The following HDAC9 variants were observed in gnomAD, a reference collection of about 807,000 sequenced individuals.
HDAC9 encodes MEF-2 interacting transcription repressor (MITR) protein.
HDAC9 carries 41 observed loss-of-function variants against 139.4 expected under a neutral mutation model. That is an observed-to-expected ratio of 0.29 (90% CI 0.23 to 0.38). HDAC9 has a LOEUF of 0.38. Among genes scored for constraint, HDAC9 ranks in the 10% least tolerant of loss-of-function variants. The probability of loss-of-function intolerance (pLI) is 1.00; values close to 1 mark genes in which losing one functional copy is unlikely to be tolerated. For synonymous variants in HDAC9, 517 were observed against 476.2 expected, an observed-to-expected ratio of 1.09 and a Z score of -1.12; for missense variants, 1,147 against 1,297.0, an observed-to-expected ratio of 0.88 and a Z score of 1.78.
intron 22 of HDAC9, among the ~76,000 whole-genome samples, chr7:18,906,558 G>A (rs1407623705): frequency 6.6e-6 from 1 of 152,210 alleles, no homozygotes; most frequent in Non-Finnish European, 1.5e-5. Flanking sequence ...ACAAATGCAT[G>A]AAATAGAGTT....
chr7:18,974,143 T>A (rs999095601), intron 24 of HDAC9, among the ~76,000 whole-genome samples: 2 of 152,206 alleles, frequency 1.3e-5, no homozygotes, highest in African/African-American at 2.4e-5. Context: ...TATATTTGTA[T>A]GTGCTGTTTC....
intron 1 of HDAC9, among the ~76,000 whole-genome samples, chr7:18,149,091 C>A (rs923509690): frequency 1.1e-4 from 16 of 152,044 alleles, no homozygotes; most frequent in African/African-American, 3.6e-4. Context: ...TCCTTGCCAA[C>A]GTGAGGATTA....
intron 1 of HDAC9, among the ~76,000 whole-genome samples, chr7:18,329,560 A>G (rs1800747214): frequency 3.3e-5 from 5 of 151,692 alleles, no homozygotes; most frequent in Admixed American, 3.3e-4. Flanking sequence ...CTCTCCAAAA[A>G]AAAAAAAAAC....
chr7:18,540,034 G>C (rs1209034901), intron 2 of HDAC9, among the ~76,000 whole-genome samples: 6 of 149,074 alleles, frequency 4.0e-5, no homozygotes, highest in Non-Finnish European at 8.9e-5. Flanking sequence ...GAGGCGGGTG[G>C]ATCACCTGAG....
intron 1 of HDAC9, among the ~76,000 whole-genome samples, chr7:18,121,763 T>G (rs1784378945): frequency 6.6e-6 from 1 of 152,030 alleles, no homozygotes; most frequent in Non-Finnish European, 1.5e-5. Flanking sequence ...CTAACAAGAG[T>G]CTTACTGTTT....
At chr7:18,653,732 A>C (rs1433191969) in intron 11 of HDAC9, among the ~76,000 whole-genome samples, 1 of 152,184 alleles carries the variant, frequency 6.6e-6, no homozygotes, top group Non-Finnish European at 1.5e-5. Flanking sequence ...GCAAGGCATG[A>C]ATATAATTAT....
intron 1 of HDAC9, among the ~76,000 whole-genome samples, chr7:18,138,248 A>G (rs1224869929): frequency 6.6e-6 from 1 of 152,064 alleles, no homozygotes; most frequent in East Asian, 1.9e-4. Flanking sequence ...GATCCTTTCA[A>G]AAAACCAGCT....
At chr7:18,900,859 G>A (rs1801639266) in intron 22 of HDAC9, among the ~76,000 whole-genome samples, 1 of 151,988 alleles carries the variant, frequency 6.6e-6, no homozygotes, top group African/African-American at 2.4e-5. Context: ...ACCACTGGAT[G>A]CCCTTTTCTC....
intron 2 of HDAC9, among the ~76,000 whole-genome samples, chr7:18,547,436 C>T (rs1322781691): frequency 2.0e-5 from 3 of 152,182 alleles, no homozygotes; most frequent in East Asian, 1.9e-4. Flanking sequence ...GGGGTTTCAC[C>T]ATGTTAGCCA....
chr7:18,597,449 G>C (rs537256699), intron 6 of HDAC9, among the ~76,000 whole-genome samples: 2 of 152,264 alleles, frequency 1.3e-5, no homozygotes, highest in South Asian at 4.1e-4. Flanking sequence ...TATCATTGCT[G>C]TAGTAGATGA....
intron 21 of HDAC9, among the ~76,000 whole-genome samples, chr7:18,866,717 G>T (rs1469687987): frequency 1.3e-5 from 2 of 152,170 alleles, no homozygotes; most frequent in Non-Finnish European, 2.9e-5. Flanking sequence ...ATAATTTTGA[G>T]TTGCAGGCTG....
At chr7:18,106,239 G>C (rs917959454) in intron 1 of HDAC9, among the ~76,000 whole-genome samples, 1 of 152,042 alleles carries the variant, frequency 6.6e-6, no homozygotes, top group Non-Finnish European at 1.5e-5. Flanking sequence ...AAAAAGTCAG[G>C]GAACGCAGTG....
intron 1 of HDAC9, among the ~76,000 whole-genome samples, chr7:18,088,625 A>G (rs2049726): frequency 0.64 from 97,014 of 152,082 alleles, 31,604 homozygotes; most frequent in African/African-American, 0.77. Context: ...CATGTTTAAA[A>G]GATATCTTTT....
chr7:18,862,342 G>A (rs1585175704), intron 21 of HDAC9, among the ~76,000 whole-genome samples: 5 of 152,246 alleles, frequency 3.3e-5, no homozygotes, highest in Admixed American at 6.5e-5. Flanking sequence ...TAGAATAATA[G>A]AGCCGCATAT....
intron 12 of HDAC9, among the ~76,000 whole-genome samples, chr7:18,714,173 G>A (rs901530727): frequency 6.6e-6 from 1 of 152,186 alleles, no homozygotes; most frequent in Non-Finnish European, 1.5e-5. Flanking sequence ...ACAAACCAAG[G>A]AGTTTGTTTT....
intron 21 of HDAC9, among the ~76,000 whole-genome samples, chr7:18,862,275 G>A (rs1798166219): frequency 1.3e-5 from 2 of 152,120 alleles, no homozygotes; most frequent in South Asian, 2.1e-4. Flanking sequence ...GAAAGAGAAT[G>A]TGAAGGGGGA....
At chr7:18,557,130 A>T (rs1455295233) in intron 2 of HDAC9, among the ~76,000 whole-genome samples, 1 of 152,052 alleles carries the variant, frequency 6.6e-6, no homozygotes, top group Non-Finnish European at 1.5e-5. Context: ...TTCTGTGCTC[A>T]GATTCCCAGC....
chr7:18,817,898 CTCAG>C (rs1258483818), intron 17 of HDAC9, among the ~76,000 whole-genome samples: 3 of 152,022 alleles, frequency 2.0e-5, no homozygotes, highest in Admixed American at 6.6e-5. Context: ...ATTAAATATC[CTCAG>C]TCATTCTTCT....
intron 1 of HDAC9, among the ~76,000 whole-genome samples, chr7:18,458,640 C>T (rs765224423): frequency 1.3e-5 from 2 of 152,152 alleles, no homozygotes; most frequent in East Asian, 1.9e-4. Flanking sequence ...TGTATCATGG[C>T]GAAAGGTCAC....
Sources: allele counts gnomAD v4.1 joint callset (sites outside exome capture counted in the v4.1 genomes callset), GRCh38; gene constraint gnomAD v4.1.1; transcripts MANE v1.5; gene names NCBI Gene and HGNC (gene_info 2026-07-23, HGNC 2026-07-21).